The following SALL1 variants were observed in gnomAD, a reference collection of about 807,000 sequenced individuals.
The protein encoded by SALL1 is spalt like transcription factor 1, also known as sal-like protein 1.
A neutral mutation model predicts 73.1 loss-of-function variants in SALL1; 10 were observed. The observed-to-expected ratio is 0.14, with a 90% CI of 0.08 to 0.23. SALL1 has a LOEUF of 0.23. Ranked by LOEUF, SALL1 falls within the 10% of genes least tolerant of loss-of-function variation. The pLI is 1.00. For synonymous variants in SALL1, 688 were observed against 689.8 expected, an observed-to-expected ratio of 1.00 and a Z score of 0.04; for missense variants, 1,520 against 1,697.3, an observed-to-expected ratio of 0.90 and a Z score of 1.84.
Position 51,139,602 on chromosome 16 carries a change from T to C in SALL1, c.2620A>G (p.Asn874Asp). The C allele has an allele frequency of 6.2e-7, 1 of 1,613,794 alleles. No individual in the cohort carries two copies. Among genetic ancestry groups the C allele is most frequent in the South Asian group, 1.1e-5 (1 of 91,082 alleles). ...TGTAGCTGCTCTGCCAGGCCAGCAT[T>C]GATCATCTTCATCTGATTTTCCAAA... ...AALENQMKMINAGLAEQLQAS... is the reference protein window; with the variant it reads ...AALENQMKMIDAGLAEQLQAS... The change falls in exon 2 of 3, where the codon AAT becomes GAT. Residue 874 changes from asparagine (N) to aspartate (D), a missense_variant. By Grantham distance (23) the Asn-to-Asp change is conservative. Around this residue, in one of 7 missense-constraint regions of SALL1, gnomAD observed 266 missense variants for 275.1 expected, o/e 0.97. Coordinates refer to ENST00000251020, the MANE Select transcript of SALL1 (RefSeq NM_002968.3).
rs768093856 is a variant in SALL1 at position 51,136,889 on chromosome 16, C to T, written c.*223G>A. On this transcript the variant is annotated 3_prime_UTR_variant, in exon 3 of 3. Transcript: ENST00000251020. ...CCAAAATACAGAAGACCAAAGTTAA[C>T]GCTTGCATTCTGTTTGCAAAGCAAG... 19 of 564,342 alleles carry T rather than the reference C, an allele frequency of 3.4e-5. No homozygotes were observed. The highest frequency in any genetic ancestry group is 6.1e-5 in the Admixed American group (2 of 32,562). 35.0% of individuals were successfully genotyped at this position (564,342 alleles called of 1,614,324 possible).
At position 51,151,150 on chromosome 16, in the gene SALL1, G is replaced by A; in HGVS notation, c.76+16C>T. ...GTGCGTGTGTGTGTGTCCACGGCGC[G>A]GGCCGGAGCACTCACCATCTCGCCG... On this transcript the variant is annotated intron_variant, in intron 1 of 2. Coordinates refer to ENST00000251020, the MANE Select transcript of SALL1 (RefSeq NM_002968.3). 3 of 1,582,596 alleles carry A rather than the reference G, an allele frequency of 1.9e-6. No individual in the cohort carries two copies. Among genetic ancestry groups the A allele is most frequent in the Non-Finnish European group, 1.7e-6 (2 of 1,166,762 alleles).
Position 51,138,641 on chromosome 16 carries a change from T to C in SALL1, c.3534+47A>G, listed in dbSNP as rs752444408. ...ATGCATTATAGATAATCAATGGCAG[T>C]GGGACAGGGTTGATGGAGCAGGTAT... On this transcript the variant is annotated intron_variant, in intron 2 of 2. Transcript: ENST00000251020. 8 of 1,576,962 alleles carry C rather than the reference T, an allele frequency of 5.1e-6. No individual in the cohort carries two copies. In the Admixed American group the frequency reaches 6.9e-5, roughly 14 times the overall value.
chr16:51,142,288 A>G, intron 1 of SALL1, 143 bp from the exon 2 acceptor site: 1 of 682,830 alleles, frequency 1.5e-6, no homozygotes, highest in South Asian at 1.7e-5. Flanking sequence ...AATATTACCT[A>G]AGAACATCCA....
rs750514153 is a variant in SALL1, at chr16:51,141,030, C to T, written c.1192G>A (p.Ala398Thr). ...SNPLLPQQAS[A>T]NSVFPSPLPN... Reference sequence around the variant, plus strand: ...AAAGGGCTGGGGAAAACCGAGTTAGCGGAGGCTTGCTGAGGTAGAAGTGGA... The same window carrying T: ...AAAGGGCTGGGGAAAACCGAGTTAGTGGAGGCTTGCTGAGGTAGAAGTGGA... The change falls in exon 2 of 3, where the codon GCT becomes ACT. Residue 398 changes from alanine (A) to threonine (T), a missense_variant. Physicochemically the swap from Ala to Thr is moderately conservative, Grantham distance 58 (BLOSUM62 0). Around this residue, in one of 7 missense-constraint regions of SALL1, gnomAD observed 540 missense variants for 567.5 expected, o/e 0.95. Coordinates refer to ENST00000251020, the MANE Select transcript of SALL1 (RefSeq NM_002968.3). The surrounding 1 kb of genome is among the most constrained non-coding windows in gnomAD (Gnocchi z 5.4). 2.1e-5 allele frequency: 34 copies of T among 1,614,124 alleles called. No homozygotes were observed. The highest frequency in any genetic ancestry group is 1.7e-4 in the Middle Eastern group (1 of 6,058).
rs747355231 is a variant in SALL1, at chr16:51,140,548, C to T, written c.1674G>A (p.Pro558=). The part of the protein sequence containing the change: ...LPTLTTSVGL[P]LPPTLPSLIP... ...TGAGGCTTGGGAGGGTTGGGGGCAA[C>T]GGCAGGCCGACTGAAGTGGTCAGAG... The change falls in exon 2 of 3, where the codon CCG becomes CCA. Residue 558 remains proline, a synonymous_variant. Coordinates refer to ENST00000251020, the MANE Select transcript of SALL1 (RefSeq NM_002968.3). The surrounding 1 kb of genome is among the most constrained non-coding windows in gnomAD (Gnocchi z 5.7). 3.8e-5 allele frequency: 62 copies of T among 1,613,800 alleles called. No homozygotes were observed. Among genetic ancestry groups the T allele is most frequent in the African/African-American group, 1.9e-4 (14 of 74,996 alleles).
rs771150625 is a variant in SALL1 at position 51,139,665 on chromosome 16, A to C, written c.2557T>G (p.Ser853Ala). The change falls in exon 2 of 3, where the codon TCT becomes GCT. Residue 853 changes from serine to alanine, a missense_variant. Ser to Ala is a moderately conservative substitution (Grantham distance 99). Around this residue, in one of 7 missense-constraint regions of SALL1, gnomAD observed 266 missense variants for 275.1 expected, o/e 0.97. Transcript: ENST00000251020. Reference protein sequence around the residue: ...SADASQDSLSSSPLPLEMSSI... With the variant: ...SADASQDSLSASPLPLEMSSI... ...GACATCTCGAGGGGCAAAGGCGAAGAGGATAAGCTGTCTTGGGAGGCGTCT... is the reference window on the plus strand; with the variant it reads ...GACATCTCGAGGGGCAAAGGCGAAGCGGATAAGCTGTCTTGGGAGGCGTCT... 9.3e-6 allele frequency: 15 copies of C among 1,614,064 alleles called. No individual in the cohort carries two copies.
chr16:51,137,298 A>T lies in SALL1; in HGVS notation c.3789T>A (p.Ile1263=). 1 of 1,613,922 alleles carries T rather than the reference A, an allele frequency of 6.2e-7. No homozygotes were observed. The highest frequency in any genetic ancestry group is 8.5e-7 in the Non-Finnish European group (1 of 1,180,002). Residue 1263 remains isoleucine (I), a synonymous_variant, in exon 3 of 3, where the codon ATT becomes ATA. Coordinates refer to ENST00000251020, the MANE Select transcript of SALL1 (RefSeq NM_002968.3). ...TGTTCCCACTGCCGAGGCTTCCAGG[A>T]ATTGGAGGGATGCCACCGTTCTGAA... The part of the protein sequence containing the change: ...SVIQNGGIPP[I]PGSLGSGNSS...
At chr16:51,142,195 G>A (rs763456686) in intron 1 of SALL1, 50 bp from the exon 2 acceptor site, 1 of 1,375,560 alleles carries the variant, frequency 7.3e-7, no homozygotes, top group Admixed American at 1.7e-5. Context: ...AGGACACACA[G>A]TCACCTATGA....
intron 1 of SALL1, among the ~76,000 whole-genome samples, chr16:51,145,219 C>T (rs1017910737): frequency 5.8e-5 from 1 of 17,300 alleles, no homozygotes; most frequent in Non-Finnish European, 1.5e-4. Flanking sequence ...CACACACATA[C>T]ACACACACAC....
At chr16:51,144,641 T>C (rs1962489603) in intron 1 of SALL1, among the ~76,000 whole-genome samples, 2 of 152,314 alleles carry the variant, frequency 1.3e-5, no homozygotes, top group South Asian at 4.1e-4. Context: ...GATATTCTCA[T>C]AATATACAGA....
intron 2 of SALL1, among the ~76,000 whole-genome samples, chr16:51,138,463 T>C (rs1467557381): frequency 1.3e-5 from 2 of 152,144 alleles, no homozygotes; most frequent in Non-Finnish European, 2.9e-5. Flanking sequence ...CAATGTGCAC[T>C]GACATTCAGT....
intron 1 of SALL1, among the ~76,000 whole-genome samples, chr16:51,144,313 TTC>T (rs1346523768): frequency 4.6e-5 from 7 of 152,222 alleles, no homozygotes; most frequent in African/African-American, 9.6e-5. Flanking sequence ...ACAAAAGCTA[TTC>T]TGTTTGTTCA....
At chr16:51,146,920 T>A (rs1962525938) in intron 1 of SALL1, among the ~76,000 whole-genome samples, 1 of 152,214 alleles carries the variant, frequency 6.6e-6, no homozygotes, top group Admixed American at 6.5e-5. Flanking sequence ...TCTGGTGCTA[T>A]CTGCACCAAG....
At position 51,145,501 on chromosome 16, in the gene SALL1, T is replaced by C. The variant is rs916774399; in HGVS notation, c.77-3356A>G. On this transcript the variant is annotated intron_variant, in intron 1 of 2. Transcript: ENST00000251020. Reference sequence around the variant, plus strand: ...CTAAGTATGTGCACACAAACAGATATTTGGAATTTTCTGGGCCTTTTGTTG... The same window carrying C: ...CTAAGTATGTGCACACAAACAGATACTTGGAATTTTCTGGGCCTTTTGTTG... Among the ~76,000 whole-genome samples the C allele has an allele frequency of 2.6e-5, 4 of 152,280 alleles. No individual in the cohort carries two copies. In the East Asian group the frequency reaches 5.8e-4, roughly 22 times the overall value.
intron 1 of SALL1, among the ~76,000 whole-genome samples, chr16:51,148,667 T>A (rs1247890971): frequency 6.6e-6 from 1 of 152,238 alleles, no homozygotes; most frequent in Admixed American, 6.5e-5. Context: ...GAACTTTCAA[T>A]GCCATTTATT....
rs1478718510 is a variant in SALL1, at chr16:51,137,414, A to C, written c.3673T>G (p.Ser1225Ala). 1.9e-6 allele frequency: 3 copies of C among 1,613,968 alleles called. No homozygotes were observed. Among genetic ancestry groups the C allele is most frequent in the Admixed American group, 3.3e-5 (2 of 59,990 alleles). ...EMFQKDLAAR[S>A]GSGDPSSFWN... ...AAGCTGGAAGGATCCCCACTTCCTG[A>C]TCTTGCCGCCAAATCCTTCTGGAAC... The change falls in exon 3 of 3, where the codon TCA becomes GCA. Residue 1225 changes from serine to alanine, a missense_variant. Transcript: ENST00000251020.
rs1436449238 is a variant in SALL1 at position 51,139,603 on chromosome 16, G to C, written c.2619C>G (p.Ile873Met). Residue 873 changes from isoleucine (I) to methionine (M), a missense_variant, in exon 2 of 3, where the codon ATC (isoleucine) becomes ATG (methionine). Around this residue, in one of 7 missense-constraint regions of SALL1, gnomAD observed 266 missense variants for 275.1 expected, o/e 0.97. Transcript: ENST00000251020. ...IAALENQMKM[I>M]NAGLAEQLQA... The stretch of plus-strand genomic sequence containing the variant: ...GTAGCTGCTCTGCCAGGCCAGCATT[G>C]ATCATCTTCATCTGATTTTCCAAAG... 20 of 1,613,648 alleles carry C rather than the reference G, an allele frequency of 1.2e-5. No individual in the cohort carries two copies. Among genetic ancestry groups the C allele is most frequent in the Non-Finnish European group, 1.6e-5 (19 of 1,179,638 alleles).
At chr16:51,150,932 G>C (rs1962588932) in intron 1 of SALL1, 1 of 403,088 alleles carries the variant, frequency 2.5e-6, no homozygotes, top group Non-Finnish European at 4.4e-6. Flanking sequence ...CAACAACTCC[G>C]GAAAGATCCT....
Sources: gnomAD v4.1 joint callset for allele counts (sites outside exome capture counted in the v4.1 genomes callset) on GRCh38, gnomAD v4.1.1 for gene constraint, gnomAD v4.1.1 regional missense constraint, Gnocchi (gnomAD v3.1) non-coding constraint, MANE v1.5 for transcripts, NCBI Gene and HGNC (gene_info 2026-07-23, HGNC 2026-07-21) for gene names.